MYLK: variants seen among roughly 807,000 people sequenced by gnomAD.
MYLK encodes myosin light chain kinase, also known as myosin light chain kinase, smooth muscle.
MYLK carries 106 observed loss-of-function variants against 203.4 expected under a neutral mutation model. The ratio of observed to expected loss-of-function variants is 0.52; its 90% CI spans 0.45 to 0.61. The LOEUF (loss-of-function observed/expected upper bound fraction) is 0.61, where lower values mean the gene tolerates loss of function less well. MYLK is among the 20% of genes least tolerant of loss of function. The probability of loss-of-function intolerance (pLI) is 0.00; values close to 1 mark genes in which losing one functional copy is unlikely to be tolerated. For missense variants in MYLK, 2,072 were observed against 2,442.3 expected (o/e 0.85, Z 3.20); for synonymous variants, 867 against 959.5 (o/e 0.90, Z 1.78).
intron 29 of MYLK, among the ~76,000 whole-genome samples, chr3:123,636,143 A>C (rs539758951): frequency 1.3e-5 from 2 of 152,300 alleles, no homozygotes; most frequent in South Asian, 4.1e-4. Flanking sequence ...TGAGCAGTCT[A>C]GTCACTGCTC....
chr3:123,664,212 C>G lies in MYLK; in HGVS notation c.3878G>C (p.Ser1293Thr), dbSNP rs1336527807. Reference protein sequence around the residue: ...HMKVENSENGSKLTILAARQE... With the variant: ...HMKVENSENGTKLTILAARQE... The stretch of plus-strand genomic sequence containing the variant: ...GCGCGCGGCCAGGATGGTGAGCTTG[C>G]TGCCATTCTCGCTGTTCTCCACCTT... Residue 1293 changes from serine to threonine, a missense_variant, in exon 23 of 34, where the codon AGC (serine) becomes ACC (threonine). By Grantham distance (58) the Ser-to-Thr change is moderately conservative (BLOSUM62 1). Around this residue, in one of 3 missense-constraint regions of MYLK, gnomAD observed 865 missense variants for 1,016.0 expected, o/e 0.85. Transcript: ENST00000360304. 6.2e-7 allele frequency: 1 copy of G among 1,614,200 alleles called. No individual in the cohort carries two copies. The highest frequency in any genetic ancestry group is 1.7e-5 in the Admixed American group (1 of 60,030).
rs75273833 is a variant in MYLK, at chr3:123,611,281, CATCTGAT to C, written c.*2817_*2823del. The C allele has an allele frequency of 6.6e-6, 1 of 152,156 alleles. No homozygotes were observed. Among genetic ancestry groups the C allele is most frequent in the Non-Finnish European group, 1.5e-5 (1 of 68,026 alleles). 9.4% of individuals were successfully genotyped at this position (152,156 alleles called of 1,614,324 possible). On this transcript the variant is annotated 3_prime_UTR_variant, in exon 34 of 34. Transcript: ENST00000360304. ...ACATCTGAAGACATGGGGAACTTGC[CATCTGAT>C]ATCTGATAACAGACTTCCTGTAAAG... is the stretch of plus-strand genomic sequence containing the variant.
intron 13 of MYLK, among the ~76,000 whole-genome samples, chr3:123,718,847 G>A (rs556849429): frequency 5.9e-5 from 9 of 152,178 alleles, no homozygotes; most frequent in Non-Finnish European, 1.2e-4. Flanking sequence ...CTGCAGGCAG[G>A]GCCCTCAGCT....
At chr3:123,843,555 G>T (rs933428335) in intron 2 of MYLK, among the ~76,000 whole-genome samples, 4 of 152,202 alleles carry the variant, frequency 2.6e-5, no homozygotes, top group Non-Finnish European at 5.9e-5. Flanking sequence ...CAAGTTAACA[G>T]GCAGCATAAC....
chr3:123,693,214 CAA>C (rs1013495861), intron 18 of MYLK, among the ~76,000 whole-genome samples: 6 of 152,116 alleles, frequency 3.9e-5, no homozygotes, highest in Admixed American at 3.3e-4. Flanking sequence ...TGGACGTCAC[CAA>C]GAGAGAAAAG....
intron 22 of MYLK, among the ~76,000 whole-genome samples, chr3:123,665,681 A>G (rs1263086014): frequency 3.3e-5 from 5 of 152,224 alleles, no homozygotes; most frequent in Non-Finnish European, 5.9e-5. Flanking sequence ...AAATTCAAAC[A>G]TTGTTCCATA....
intron 24 of MYLK, among the ~76,000 whole-genome samples, chr3:123,652,970 C>T (rs1282612609): frequency 1.3e-5 from 2 of 152,078 alleles, no homozygotes; most frequent in Admixed American, 6.5e-5. Context: ...GTGCCTAGAA[C>T]ACAGGAGGGG....
rs74462956 is a variant in MYLK at position 123,734,623 on chromosome 3, C to G, written c.774-401G>C. 150 of 162,468 alleles carry G rather than the reference C, an allele frequency of 9.2e-4. 2 individuals are homozygous for G. In the East Asian group the frequency reaches 0.023, roughly 25 times the overall value. 10.1% of individuals were successfully genotyped at this position (162,468 alleles called of 1,614,324 possible). Reference sequence around the variant, plus strand: ...CATTTCAAGCCCAAGGATTTTCCAACAGCTTTTCCACTACTTTAAGAATGA... The same window carrying G: ...CATTTCAAGCCCAAGGATTTTCCAAGAGCTTTTCCACTACTTTAAGAATGA... On this transcript the variant is annotated intron_variant, in intron 9 of 33. Coordinates refer to ENST00000360304, the MANE Select transcript of MYLK (RefSeq NM_053025.4).
rs181637734 is a variant in MYLK, at chr3:123,613,636, G to T, written c.*469C>A. ...AAGTGGCTCAACTGCTTTCAGAAAT[G>T]AATTGCTGGAGTACTGGGAGAAAAC... is the stretch of plus-strand genomic sequence containing the variant. On this transcript the variant is annotated 3_prime_UTR_variant, in exon 34 of 34. Coordinates refer to ENST00000360304, the MANE Select transcript of MYLK (RefSeq NM_053025.4). 9.7e-5 allele frequency: 19 copies of T among 195,380 alleles called. No homozygotes were observed. The East Asian group carries it at 2.6e-3, about 27-fold the overall frequency. 12.1% of individuals were successfully genotyped at this position (195,380 alleles called of 1,614,324 possible). A position where few individuals can be genotyped will look rare whatever the true frequency, so the allele number is the denominator to read the frequency against.
At chr3:123,769,568 G>C (rs1373260925) in intron 4 of MYLK, among the ~76,000 whole-genome samples, 1 of 152,106 alleles carries the variant, frequency 6.6e-6, no homozygotes, top group Non-Finnish European at 1.5e-5. Context: ...TCCCAGCCTG[G>C]GTGTCACTTC....
At chr3:123,624,684 G>T (rs1460435042) in intron 31 of MYLK, 1 of 152,172 alleles carries the variant, frequency 6.6e-6, no homozygotes, top group Non-Finnish European at 1.5e-5. Context: ...AAGAATATTT[G>T]CTACTCAGAT....
chr3:123,870,635 A>G (rs919404060), intron 2 of MYLK, among the ~76,000 whole-genome samples: 1 of 152,268 alleles, frequency 6.6e-6, no homozygotes, highest in African/African-American at 2.4e-5. Context: ...CCACATTAGT[A>G]GACTAAAGCA....
chr3:123,747,617 G>A (rs149745000), intron 5 of MYLK, among the ~76,000 whole-genome samples: 4 of 152,286 alleles, frequency 2.6e-5, no homozygotes, highest in South Asian at 4.1e-4. Flanking sequence ...ATCAACTGGC[G>A]GCTGGAAATG....
At chr3:123,761,443 AG>A (rs1247726181) in intron 4 of MYLK, among the ~76,000 whole-genome samples, 6 of 152,168 alleles carry the variant, frequency 3.9e-5, no homozygotes, top group Non-Finnish European at 8.8e-5. Flanking sequence ...TGAGGGACGG[AG>A]TGGAGCAGGT....
intron 5 of MYLK, among the ~76,000 whole-genome samples, chr3:123,743,179 T>A (rs144305312): frequency 0.011 from 1,624 of 152,300 alleles, 28 homozygotes; most frequent in African/African-American, 0.036. Context: ...TTTTAAAAAG[T>A]CTTGGGAGCT....
intron 27 of MYLK, chr3:123,646,907 A>C: frequency 2.6e-6 from 1 of 380,974 alleles, no homozygotes; most frequent in Non-Finnish European, 4.8e-6. Context: ...CAAGGAGCCT[A>C]GGGATAGCTT....
intron 22 of MYLK, among the ~76,000 whole-genome samples, chr3:123,664,641 T>G (rs2059677557): frequency 6.6e-6 from 1 of 152,374 alleles, no homozygotes; most frequent in South Asian, 2.1e-4. Flanking sequence ...TCTTCTGTGC[T>G]GTCCAATGCT....
chr3:123,868,121 C>A (rs908806797), intron 2 of MYLK, among the ~76,000 whole-genome samples: 3 of 152,146 alleles, frequency 2.0e-5, no homozygotes, highest in African/African-American at 7.2e-5. Context: ...CTGGTATATG[C>A]CCTCTGATGG....
At chr3:123,881,369 G>A (rs1217159409) in intron 1 of MYLK, among the ~76,000 whole-genome samples, 5 of 152,152 alleles carry the variant, frequency 3.3e-5, no homozygotes, top group African/African-American at 9.6e-5. Context: ...CAAGTTGAGC[G>A]AGGACATTGT....
Sources: allele counts gnomAD v4.1 joint callset (sites outside exome capture counted in the v4.1 genomes callset), GRCh38; gene constraint gnomAD v4.1.1; regional missense constraint gnomAD v4.1.1; transcripts MANE v1.5; gene names NCBI Gene and HGNC (gene_info 2026-07-23, HGNC 2026-07-21).